Variants in ZNF782 observed in about 807,000 individuals in gnomAD.
ZNF782 encodes zinc finger protein 782.
Under a neutral mutation model 13.0 loss-of-function variants are expected in ZNF782, and 12 were observed. The observed-to-expected ratio is 0.92, with a 90% confidence interval of 0.59 to 1.50. ZNF782 has a LOEUF of 1.50. Among genes scored for constraint, ZNF782 ranks in the 40% most tolerant of loss-of-function variants. The pLI, the probability that ZNF782 is intolerant of heterozygous loss-of-function variation, is 0.00. For synonymous variants in ZNF782, 284 were observed against 283.0 expected, an observed-to-expected ratio of 1.00 and a Z score of -0.04; for missense variants, 770 against 822.9, an observed-to-expected ratio of 0.94 and a Z score of 0.79.
chr9:96,850,931 G>C lies in ZNF782; in HGVS notation c.15+1016C>G, dbSNP rs73538647. On this transcript the variant is annotated intron_variant, in intron 3 of 5. Transcript: ENST00000481138. The surrounding 1 kb of genome is among the most constrained non-coding windows in gnomAD (Gnocchi z 4.3). ...TTTGCATCTTAATAAATATATCTAA[G>C]TAAAGTGCTAAGTAAGTAGGCAAGT... is the stretch of plus-strand genomic sequence containing the variant. 0.025 allele frequency among the ~76,000 whole-genome samples: 3,865 copies of C among 152,178 alleles called. 183 individuals are homozygous for C. Among genetic ancestry groups the C allele is most frequent in the African/African-American group, 0.089 (3,674 of 41,512 alleles).
At chr9:96,826,170 C>A (rs1272364839) in intron 5 of ZNF782, among the ~76,000 whole-genome samples, 4 of 152,038 alleles carry the variant, frequency 2.6e-5, no homozygotes, top group African/African-American at 9.7e-5. Context: ...CAATGATAGA[C>A]TGGATTAAGA....
At chr9:96,917,442 T>A in the ZNF782 span, among the ~76,000 whole-genome samples, 1 of 152,004 alleles carries the variant, frequency 6.6e-6, no homozygotes, top group South Asian at 2.1e-4. Context: ...GTAAAACTTT[T>A]TTTTTTTGAG....
upstream of ZNF782, among the ~76,000 whole-genome samples, chr9:96,857,141 C>A (rs1363944021): frequency 2.6e-5 from 4 of 152,206 alleles, no homozygotes; most frequent in Non-Finnish European, 5.9e-5. Flanking sequence ...CATCTGCCTA[C>A]CAGCTAGGTG....
At chr9:96,903,556 GTTTTT>G in the ZNF782 span, among the ~76,000 whole-genome samples, 1 of 75,462 alleles carries the variant, frequency 1.3e-5, no homozygotes, top group Non-Finnish European at 2.2e-5. Context: ...TTTTATGTTG[GTTTTT>G]TTTTTTTTTT....
At chr9:96,866,496 AGTT>A (rs1212135558) in intron 1 of ZNF782, among the ~76,000 whole-genome samples, 1 of 152,172 alleles carries the variant, frequency 6.6e-6, no homozygotes, top group Non-Finnish European at 1.5e-5. Flanking sequence ...ACCAAGCAAA[AGTT>A]TGCTGCTGGG....
At chr9:96,845,193 G>C (rs1403438167) in intron 3 of ZNF782, among the ~76,000 whole-genome samples, 177 bp from the exon 4 acceptor site, 1 of 152,108 alleles carries the variant, frequency 6.6e-6, no homozygotes, top group African/African-American at 2.4e-5. Context: ...ACACATATTT[G>C]TTCTCATGCT....
At chr9:96,879,577 G>A (rs1851938086), upstream of ZNF782, among the ~76,000 whole-genome samples, 1 of 152,120 alleles carries the variant, frequency 6.6e-6, no homozygotes, top group African/African-American at 2.4e-5. Context: ...AGCCTGGGCA[G>A]AGTTGGTGAG....
At chr9:96,871,712 T>TA (rs1456136874) in intron 1 of ZNF782, among the ~76,000 whole-genome samples, 1 of 152,160 alleles carries the variant, frequency 6.6e-6, no homozygotes, top group African/African-American at 2.4e-5. Flanking sequence ...CCTGTCACTC[T>TA]AAAAAATGGC....
chr9:96,926,529 G>A, the ZNF782 span, among the ~76,000 whole-genome samples: 1 of 151,872 alleles, frequency 6.6e-6, no homozygotes, highest in African/African-American at 2.4e-5. Flanking sequence ...AGGCCTGGGA[G>A]CATCCAGACA....
chr9:96,930,872 G>GTTTTTTTTTTTTTTTTTTTTTTTTT, the ZNF782 span, among the ~76,000 whole-genome samples: 3 of 72,726 alleles, frequency 4.1e-5, 1 homozygote, highest in African/African-American at 1.7e-4. Flanking sequence ...CCATCCAGTG[G>GTTTTTTTTTTTTTTTTTTTTTTTTT]TTTTTTTTTT....
chr9:96,891,362 A>ATATT, the ZNF782 span: 2 of 152,200 alleles, frequency 1.3e-5, no homozygotes, highest in Non-Finnish European at 2.9e-5. Context: ...TAGCATGCGT[A>ATATT]TATTTGTTCA....
chr9:96,925,060 C>A, the ZNF782 span, among the ~76,000 whole-genome samples: 1 of 152,178 alleles, frequency 6.6e-6, no homozygotes, highest in Admixed American at 6.5e-5. Flanking sequence ...CGGAGGACGC[C>A]ATGAGAGCTA....
chr9:96,901,435 C>A, the ZNF782 span, among the ~76,000 whole-genome samples: 1 of 151,060 alleles, frequency 6.6e-6, no homozygotes, highest in South Asian at 2.1e-4. Flanking sequence ...CCACGCCTGG[C>A]TAATTTTTGT....
chr9:96,875,870 A>G (rs1032531769), upstream of ZNF782, among the ~76,000 whole-genome samples: 1 of 152,224 alleles, frequency 6.6e-6, no homozygotes, highest in African/African-American at 2.4e-5. Flanking sequence ...CTAGGCGTGA[A>G]GCAGCGAGCT....
At chr9:96,863,080 A>G (rs1308296782) in intron 1 of ZNF782, among the ~76,000 whole-genome samples, 2 of 152,136 alleles carry the variant, frequency 1.3e-5, no homozygotes, top group Admixed American at 6.5e-5. Context: ...AATGTTCATG[A>G]TCTTTGGAAA....
chr9:96,872,749 A>G (rs1851842048), intron 1 of ZNF782, among the ~76,000 whole-genome samples: 1 of 152,186 alleles, frequency 6.6e-6, no homozygotes, highest in South Asian at 2.1e-4. Context: ...AAGATAATTT[A>G]TTACACTTAA....
upstream of ZNF782, among the ~76,000 whole-genome samples, chr9:96,855,954 A>T (rs1181207485): frequency 6.6e-6 from 1 of 152,182 alleles, no homozygotes; most frequent in Non-Finnish European, 1.5e-5. Context: ...CCATTCTTGC[A>T]GGAGTAAGGT....
At chr9:96,923,302 A>C in the ZNF782 span, among the ~76,000 whole-genome samples, 1,317 of 150,458 alleles carry the variant, frequency 8.8e-3, 47 homozygotes, top group African/African-American at 0.03. Context: ...GTCCCACAAT[A>C]CCTGCACATA....
At chr9:96,898,551 TTTTTC>T in the ZNF782 span, among the ~76,000 whole-genome samples, 3 of 148,842 alleles carry the variant, frequency 2.0e-5, 1 homozygote, top group African/African-American at 7.6e-5. Flanking sequence ...ACCATTTCCT[TTTTTC>T]TTTTCTTTGA....
Sources: allele counts gnomAD v4.1 joint callset (sites outside exome capture counted in the v4.1 genomes callset), GRCh38; gene constraint gnomAD v4.1.1; non-coding constraint Gnocchi (gnomAD v3.1); transcripts MANE v1.5; gene names NCBI Gene and HGNC (gene_info 2026-07-23, HGNC 2026-07-21).